The following ZNF385B variants were observed in gnomAD, a reference collection of about 807,000 sequenced individuals.
ZNF385B encodes the protein zinc finger protein 385B, also known as zinc finger protein 533.
ZNF385B carries 23 observed loss-of-function variants against 39.2 expected under a neutral mutation model. That is an observed-to-expected ratio of 0.59 (90% confidence interval 0.42 to 0.83). The LOEUF (loss-of-function observed/expected upper bound fraction) is 0.83, where lower values mean the gene tolerates loss of function less well. Ranked by LOEUF, ZNF385B falls within the 40% of genes least tolerant of loss-of-function variation. ZNF385B has a pLI of 0.00. For synonymous variants in ZNF385B, 205 were observed against 222.6 expected (o/e 0.92, Z 0.70); for missense variants, 552 against 598.9 (o/e 0.92, Z 0.82).
intron 6 of ZNF385B, among the ~76,000 whole-genome samples, chr2:179,481,598 G>A (rs1334988839): frequency 6.6e-6 from 1 of 152,078 alleles, no homozygotes; most frequent in Non-Finnish European, 1.5e-5. Context: ...TCACTCAGTA[G>A]CAACGTTGTA....
intron 3 of ZNF385B, among the ~76,000 whole-genome samples, chr2:179,593,916 A>T (rs150363832): frequency 0.018 from 2,758 of 152,290 alleles, 41 homozygotes; most frequent in Middle Eastern, 0.037. Flanking sequence ...TCCTGTCAAG[A>T]GTGTACACAT....
rs575374779 is a variant in ZNF385B at position 179,759,363 on chromosome 2, AG to A, written c.298+10139del. ...TAAACCAGAATGACAGAGAGAACTC[AG>A]GACAACTTAGCTCTGAATTCCAGCA... On this transcript the variant is annotated intron_variant, in intron 3 of 9. Coordinates refer to ENST00000410066, the MANE Select transcript of ZNF385B (RefSeq NM_152520.6). 4.9e-4 allele frequency among the ~76,000 whole-genome samples: 75 copies of A among 152,316 alleles called. 2 individuals carry two copies. In the Middle Eastern group the frequency reaches 0.014, roughly 28 times the overall value.
rs148618526 is a variant in ZNF385B at position 179,561,808 on chromosome 2, T to G, written c.299-16839A>C. On this transcript the variant is annotated intron_variant, in intron 3 of 9. Coordinates refer to ENST00000410066, the MANE Select transcript of ZNF385B (RefSeq NM_152520.6). The stretch of plus-strand genomic sequence containing the variant: ...TACCTGGTTTCCAGAGAGATTTCTA[T>G]GCCCAAGGGTCTAAACAAACATGAA... Among the ~76,000 whole-genome samples the G allele has an allele frequency of 6.1e-3, 924 of 152,276 alleles. 13 individuals are homozygous for G. Among genetic ancestry groups the G allele is most frequent in the African/African-American group, 0.021 (863 of 41,564 alleles).
chr2:179,544,593 GA>G (rs2060114218), intron 4 of ZNF385B, among the ~76,000 whole-genome samples: 1 of 152,084 alleles, frequency 6.6e-6, no homozygotes, highest in Non-Finnish European at 1.5e-5. Flanking sequence ...CACAACAGGT[GA>G]AAATTTTTCA....
chr2:179,821,693 T>C (rs1037002560), intron 1 of ZNF385B, among the ~76,000 whole-genome samples: 1 of 152,060 alleles, frequency 6.6e-6, no homozygotes, highest in African/African-American at 2.4e-5. Context: ...GACACCTGTT[T>C]CCCCTCTTAG....
chr2:179,772,196 C>G (rs566347187), intron 1 of ZNF385B, among the ~76,000 whole-genome samples: 1 of 152,256 alleles, frequency 6.6e-6, no homozygotes, highest in East Asian at 1.9e-4. Flanking sequence ...TTTAAATATA[C>G]ATATTTTAAG....
At chr2:179,462,788 A>C (rs1171145659) in intron 6 of ZNF385B, among the ~76,000 whole-genome samples, 1 of 152,182 alleles carries the variant, frequency 6.6e-6, no homozygotes, top group African/African-American at 2.4e-5. Flanking sequence ...CATTGCAGAT[A>C]ATGATCAGAT....
At chr2:179,635,907 G>A (rs988376137) in intron 3 of ZNF385B, among the ~76,000 whole-genome samples, 5 of 151,972 alleles carry the variant, frequency 3.3e-5, no homozygotes, top group African/African-American at 1.2e-4. Context: ...TTATTTGTAG[G>A]ACTCTTATGG....
rs1467437656 is a variant in ZNF385B at position 179,646,306 on chromosome 2, TCAG to T, written c.299-101340_299-101338del. Among the ~76,000 whole-genome samples the T allele has an allele frequency of 2.0e-5, 3 of 152,058 alleles. No homozygotes were observed. In the South Asian group the frequency reaches 6.2e-4, roughly 31 times the overall value. ...GGCAGGCACCTGGAAACCCAGCTAC[TCAG>T]CAGGCTGAGGCAAAATAGCTTGAAC... On this transcript the variant is annotated intron_variant, in intron 3 of 9. Coordinates refer to ENST00000410066, the MANE Select transcript of ZNF385B (RefSeq NM_152520.6).
chr2:179,528,224 TTTTTC>T (rs879570253), intron 4 of ZNF385B, among the ~76,000 whole-genome samples: 1 of 152,174 alleles, frequency 6.6e-6, no homozygotes, highest in Non-Finnish European at 1.5e-5. Flanking sequence ...TGCAGAGGAT[TTTTTC>T]AACTACCAAG....
In ZNF385B at chr2:179,777,516, T is replaced by C. The variant is rs536158425; in HGVS notation, c.-154-6844A>G. Among the ~76,000 whole-genome samples, 4 of 152,182 alleles carry C rather than the reference T, an allele frequency of 2.6e-5. No homozygotes were observed. In the South Asian group the frequency reaches 6.2e-4, roughly 24 times the overall value. ...TATCTATAAACAAATACTATTAGGA[T>C]GGAAATCAGATTATACTATAACTAA... is the stretch of plus-strand genomic sequence containing the variant. On this transcript the variant is annotated intron_variant, in intron 1 of 9. Transcript: ENST00000410066.
chr2:179,502,142 T>G (rs955041181), intron 5 of ZNF385B, among the ~76,000 whole-genome samples: 2 of 152,208 alleles, frequency 1.3e-5, no homozygotes, highest in African/African-American at 4.8e-5. Flanking sequence ...ATTCCTGTAC[T>G]TCCACTGTAT....
chr2:179,811,324 A>C (rs1280666171), intron 1 of ZNF385B, among the ~76,000 whole-genome samples: 2 of 152,312 alleles, frequency 1.3e-5, no homozygotes, highest in East Asian at 3.9e-4. Flanking sequence ...TTCATATAGA[A>C]CCAAAAAAGA....
intron 3 of ZNF385B, among the ~76,000 whole-genome samples, chr2:179,608,289 A>G (rs188661675): frequency 3.4e-4 from 51 of 151,824 alleles, no homozygotes; most frequent in Admixed American, 1.5e-3. Context: ...TCAGAGCTGG[A>G]CTTAGTAATC....
rs1225289238 is a variant in ZNF385B, at chr2:179,443,323, G to C, written c.1388C>G (p.Pro463Arg). 2 of 1,612,976 alleles carry C rather than the reference G, an allele frequency of 1.2e-6. No individual in the cohort carries two copies. Among genetic ancestry groups the C allele is most frequent in the South Asian group, 2.2e-5 (2 of 91,004 alleles). ...ATGCCCAGGCCTCAGAAGAGCTGGA[G>C]GAATGGCTGGAGCCTGGAAGAGCGA... is the stretch of plus-strand genomic sequence containing the variant. Reference protein sequence around the residue: ...SASLFQAPAIPPALLRPGHGP... With the variant: ...SASLFQAPAIRPALLRPGHGP... Residue 463 changes from proline to arginine, a missense_variant, in exon 10 of 10, where the codon CCT becomes CGT. Physicochemically the swap from Pro to Arg is moderately radical, Grantham distance 103. Coordinates refer to ENST00000410066, the MANE Select transcript of ZNF385B (RefSeq NM_152520.6).
intron 1 of ZNF385B, among the ~76,000 whole-genome samples, chr2:179,795,861 C>G (rs1044154353): frequency 5.3e-5 from 8 of 152,040 alleles, no homozygotes; most frequent in Non-Finnish European, 1.2e-4. Context: ...TTTTGAACGT[C>G]CATATATCTT....
chr2:179,714,880 G>A lies in ZNF385B; in HGVS notation c.298+54623C>T, dbSNP rs565667624. ...GCACATTTGAGCCCGGGAGGTAGAG[G>A]TTGCTGTGGGCTGAACAGCACCACT... On this transcript the variant is annotated intron_variant, in intron 3 of 9. Coordinates refer to ENST00000410066, the MANE Select transcript of ZNF385B (RefSeq NM_152520.6). Among the ~76,000 whole-genome samples, 88 of 145,686 alleles carry A rather than the reference G, an allele frequency of 6.0e-4. 1 individual carries two copies. The highest frequency in any genetic ancestry group is 3.7e-3 in the Middle Eastern group (1 of 272).
intron 9 of ZNF385B, 126 bp from the exon 10 acceptor site, chr2:179,443,594 A>C (rs911107553): frequency 2.7e-6 from 2 of 746,672 alleles, no homozygotes; most frequent in African/African-American, 3.5e-5. Context: ...CTTCACTCTC[A>C]GAAGTCAAGA....
intron 4 of ZNF385B, among the ~76,000 whole-genome samples, chr2:179,526,481 G>C (rs2058908756): frequency 6.6e-6 from 1 of 151,928 alleles, no homozygotes; most frequent in Non-Finnish European, 1.5e-5. Flanking sequence ...TGCAATCCCA[G>C]CTACTCGGGA....
Sources: gnomAD v4.1 joint callset for allele counts (sites outside exome capture counted in the v4.1 genomes callset) on GRCh38, gnomAD v4.1.1 for gene constraint, MANE v1.5 for transcripts, NCBI Gene and HGNC (gene_info 2026-07-23, HGNC 2026-07-21) for gene names.